CDKL5: variants seen among roughly 807,000 people sequenced by gnomAD.
The protein encoded by CDKL5 is cyclin dependent kinase like 5.
In CDKL5, 8 loss-of-function variants were observed where a neutral mutation model predicts 61.7. The observed-to-expected ratio is 0.13, with a 90% CI of 0.08 to 0.23. CDKL5 has a LOEUF of 0.23. Among genes scored for constraint, CDKL5 ranks in the 10% least tolerant of loss-of-function variants. The probability of loss-of-function intolerance (pLI) is 1.00; values close to 1 mark genes in which losing one functional copy is unlikely to be tolerated. For missense variants in CDKL5, 440 were observed against 734.5 expected, an observed-to-expected ratio of 0.60 and a Z score of 4.63; for synonymous variants, 275 against 272.3, an observed-to-expected ratio of 1.01 and a Z score of -0.10.
chrX:18,481,419 C>T (rs187454827), intron 1 of CDKL5, among the ~76,000 whole-genome samples: 10 of 106,353 alleles, frequency 9.4e-5, no homozygotes, highest in African/African-American at 3.1e-4. Flanking sequence ...GTTGCATGAT[C>T]GCGGCTCACC....
rs2147153613 is a variant in CDKL5, at chrX:18,595,437, A to G, written c.825+9A>G. The G allele has an allele frequency of 3.8e-6, 4 of 1,052,380 alleles. No homozygotes were observed. The highest frequency in any genetic ancestry group is 5.3e-6 in the Non-Finnish European group (4 of 750,289). The allele number at this position is 1,052,380 out of a possible 1,213,427, so 86.7% of individuals were successfully genotyped here. On this transcript the variant is annotated intron_variant, in intron 10 of 17. Coordinates refer to ENST00000623535, the MANE Select transcript of CDKL5 (RefSeq NM_001323289.2). ...TACTTGACCTAATGAAGGTAAGGCC[A>G]ATTGATATTATCTCTATAAAATGTC...
At chrX:18,642,761 C>A (rs1927629895), downstream of CDKL5, among the ~76,000 whole-genome samples, 1 of 112,234 alleles carries the variant, frequency 8.9e-6, no homozygotes, top group Non-Finnish European at 1.9e-5. Flanking sequence ...AAAACTTGGC[C>A]AGGCGCAGTG....
chrX:18,651,222 TG>T (rs1268255968), intron 21 of CDKL5, among the ~76,000 whole-genome samples: 3 of 14,639 alleles, frequency 2.0e-4, no homozygotes, highest in Admixed American at 8.0e-4. Flanking sequence ...CAGGAGCAAG[TG>T]TGTGTGTGTG....
chrX:18,632,860 T>A lies in CDKL5; in HGVS notation c.*4103T>A. On this transcript the variant is annotated 3_prime_UTR_variant, in exon 18 of 18. Coordinates refer to ENST00000623535, the MANE Select transcript of CDKL5 (RefSeq NM_001323289.2). Reference sequence around the variant, plus strand: ...ATAGTATCCTCACTTCTTAAACTAGTCTTTAGAGTAAATAAGGAAAAAAGC... The same window carrying A: ...ATAGTATCCTCACTTCTTAAACTAGACTTTAGAGTAAATAAGGAAAAAAGC... 1.3e-6 allele frequency: 1 copy of A among 753,420 alleles called. No homozygotes were observed. Among genetic ancestry groups the A allele is most frequent in the Non-Finnish European group, 1.6e-6 (1 of 638,363 alleles). 62.1% of individuals were successfully genotyped at this position (753,420 alleles called of 1,213,427 possible). A position where few individuals can be genotyped will look rare whatever the true frequency, so the allele number is the denominator to read the frequency against.
At chrX:18,450,556 A>G (rs2147634564) in intron 1 of CDKL5, among the ~76,000 whole-genome samples, 1 of 111,680 alleles carries the variant, frequency 9.0e-6, no homozygotes, top group South Asian at 3.7e-4. Flanking sequence ...ATATTAGCAT[A>G]CTATATATAT....
intron 1 of CDKL5, among the ~76,000 whole-genome samples, chrX:18,474,750 C>T (rs12014668): frequency 0.021 from 2,323 of 111,400 alleles, 22 homozygotes; most frequent in Middle Eastern, 0.069. Context: ...GGAAAAGCAA[C>T]TTAGGCAGGC....
chrX:18,455,660 A>G (rs1007205182), intron 1 of CDKL5, among the ~76,000 whole-genome samples: 5 of 112,963 alleles, frequency 4.4e-5, no homozygotes, highest in Non-Finnish European at 9.4e-5. Flanking sequence ...AATGCATTTT[A>G]TACTTTTTAA....
intron 3 of CDKL5, among the ~76,000 whole-genome samples, chrX:18,556,579 C>T (rs145027078): frequency 3.6e-5 from 4 of 111,297 alleles, no homozygotes; most frequent in Non-Finnish European, 5.6e-5. Flanking sequence ...AGATAATCCA[C>T]GGGAAGCACT....
chrX:18,647,844 T>C (rs1474096541), intron 20 of CDKL5, among the ~76,000 whole-genome samples: 1 of 111,000 alleles, frequency 9.0e-6, no homozygotes, highest in East Asian at 2.8e-4. Context: ...TATTGAGATA[T>C]AGAGAATGAC....
chrX:18,482,274 G>A (rs1240953631), intron 1 of CDKL5, among the ~76,000 whole-genome samples: 1 of 110,987 alleles, frequency 9.0e-6, no homozygotes, highest in Non-Finnish European at 1.9e-5. Context: ...TAATTTTGTT[G>A]GAATAAAGTA....
chrX:18,518,330 A>G (rs1447962329), intron 3 of CDKL5, among the ~76,000 whole-genome samples: 2 of 105,143 alleles, frequency 1.9e-5, no homozygotes, highest in African/African-American at 6.9e-5. Context: ...TTTTACTTTT[A>G]AGGAATTTAA....
chrX:18,434,777 A>T (rs1931574825), intron 1 of CDKL5, among the ~76,000 whole-genome samples: 1 of 110,619 alleles, frequency 9.0e-6, no homozygotes, highest in Non-Finnish European at 1.9e-5. Flanking sequence ...AAAATACAAA[A>T]ATTAGCTGAG....
chrX:18,482,354 T>G (rs1275118823), intron 1 of CDKL5, among the ~76,000 whole-genome samples: 2 of 112,309 alleles, frequency 1.8e-5, no homozygotes, highest in Non-Finnish European at 3.8e-5. Flanking sequence ...TTGCCCCATC[T>G]TGTTTTCTAT....
rs1418848134 is a variant in CDKL5, at chrX:18,448,943, C to T, written c.-163+23248C>T. ...CGATCTCAGCTCACTGCAACCTCTG[C>T]CTCCTGGGTTCAAGCAATTCTCTGC... On this transcript the variant is annotated intron_variant, in intron 1 of 17. Coordinates refer to ENST00000623535, the MANE Select transcript of CDKL5 (RefSeq NM_001323289.2). 2.9e-4 allele frequency among the ~76,000 whole-genome samples: 33 copies of T among 112,022 alleles called. 2 individuals are homozygous for T. The highest frequency in any genetic ancestry group is 1.9e-5 in the Non-Finnish European group (1 of 53,200).
intron 1 of CDKL5, among the ~76,000 whole-genome samples, chrX:18,425,932 G>T (rs957822926): frequency 1.3e-4 from 15 of 112,686 alleles, no homozygotes; most frequent in African/African-American, 4.5e-4. Flanking sequence ...AGGGGCTGGG[G>T]CTGTCTTTTG....
rs578122803 is a variant in CDKL5, at chrX:18,633,688, C to G, written c.*4931C>G. On this transcript the variant is annotated 3_prime_UTR_variant, in exon 18 of 18. Transcript: ENST00000623535. ...CTAGGAAACTCTGGGCCTGCTGCCCCCTTCGATTCTTTTTTTTTTTCTTTG... is the reference window on the plus strand; with the variant it reads ...CTAGGAAACTCTGGGCCTGCTGCCCGCTTCGATTCTTTTTTTTTTTCTTTG... 15 of 752,653 alleles carry G rather than the reference C, an allele frequency of 2.0e-5. No individual in the cohort carries two copies. Among genetic ancestry groups the G allele is most frequent in the Admixed American group, 8.7e-5 (1 of 11,459 alleles). 62.0% of individuals were successfully genotyped at this position (752,653 alleles called of 1,213,427 possible).
intron 1 of CDKL5, among the ~76,000 whole-genome samples, chrX:18,472,770 T>C (rs1921143238): frequency 9.1e-6 from 1 of 110,339 alleles, no homozygotes; most frequent in Non-Finnish European, 1.9e-5. Flanking sequence ...ACATGCTAGA[T>C]AGTTTCTGAT....
At position 18,628,568 on chromosome X, in the gene CDKL5, G is replaced by A; in HGVS notation, c.2694G>A (p.Arg898=). The A allele has an allele frequency of 2.5e-6, 3 of 1,211,987 alleles. No homozygotes were observed. The highest frequency in any genetic ancestry group is 3.4e-6 in the Non-Finnish European group (3 of 895,492). The change falls in exon 18 of 18, where the codon AGG becomes AGA. Residue 898 remains arginine (R), a synonymous_variant. Transcript: ENST00000623535. ...GGCAGGAACCCGCACCGAAGGGCAG[G>A]CCAGCCCTCCAGCTGCCAGGTCAGA... is the stretch of plus-strand genomic sequence containing the variant. The part of the protein sequence containing the change: ...NIRQEPAPKG[R]PALQLPGQMD...
Position 18,635,276 on chromosome X carries a change from A to G in CDKL5, c.*6519A>G, listed in dbSNP as rs752017815. 3.6e-5 allele frequency: 27 copies of G among 747,463 alleles called. No individual in the cohort carries two copies. In the African/African-American group the frequency reaches 6.3e-4, roughly 17 times the overall value. 61.6% of individuals were successfully genotyped at this position (747,463 alleles called of 1,213,427 possible). A position where few individuals can be genotyped will look rare whatever the true frequency, so the allele number is the denominator to read the frequency against. ...TATTGTTGCTGTAAATATTACACAA[A>G]TATCTATTCCGTGATAACCTTCATT... On this transcript the variant is annotated 3_prime_UTR_variant, in exon 18 of 18. Transcript: ENST00000623535.
Sources: gnomAD v4.1 joint callset for allele counts (sites outside exome capture counted in the v4.1 genomes callset) on GRCh38, gnomAD v4.1.1 for gene constraint, MANE v1.5 for transcripts, NCBI Gene and HGNC (gene_info 2026-07-23, HGNC 2026-07-21) for gene names.